Variants in CBL observed in about 807,000 individuals in gnomAD.
CBL encodes the protein E3 ubiquitin-protein ligase CBL.
CBL carries 45 observed loss-of-function variants against 96.9 expected under a neutral mutation model. That is an observed-to-expected ratio of 0.46 (90% confidence interval 0.37 to 0.60). The LOEUF is 0.60. Ranked by LOEUF, CBL falls within the 20% of genes least tolerant of loss-of-function variation. The pLI, the probability that CBL is intolerant of heterozygous loss-of-function variation, is 0.00. For missense variants in CBL, 1,024 were observed against 1,143.5 expected (o/e 0.90, Z 1.51); for synonymous variants, 420 against 426.8 (o/e 0.98, Z 0.20).
intron 2 of CBL, among the ~76,000 whole-genome samples, chr11:119,250,823 C>T (rs566711021): frequency 1.4e-4 from 22 of 152,108 alleles, no homozygotes; most frequent in Admixed American, 1.3e-3. Context: ...TGGAGGTGCG[C>T]GCCTGTAATT....
At chr11:119,274,487 A>G (rs1220646513) in intron 4 of CBL, among the ~76,000 whole-genome samples, 5 of 152,150 alleles carry the variant, frequency 3.3e-5, no homozygotes, top group African/African-American at 1.2e-4. Context: ...GTCTGTGCCA[A>G]TTTGCATACA....
chr11:119,300,761 T>C lies in CBL; in HGVS notation c.*980T>C, dbSNP rs1591271684. On this transcript the variant is annotated 3_prime_UTR_variant, in exon 16 of 16. Transcript: ENST00000264033. ...TTGCCTTGGTGCCAGGTATGTGTTC[T>C]GATGTAGGTCATGAGTCTTTCTACT... is the stretch of plus-strand genomic sequence containing the variant. 37 of 393,198 alleles carry C rather than the reference T, an allele frequency of 9.4e-5. No homozygotes were observed. The East Asian group carries it at 1.3e-3, about 14-fold the overall frequency. 24.4% of individuals were successfully genotyped at this position (393,198 alleles called of 1,614,324 possible). A position where few individuals can be genotyped will look rare whatever the true frequency, so the allele number is the denominator to read the frequency against.
intron 2 of CBL, among the ~76,000 whole-genome samples, chr11:119,255,266 A>G (rs537450657): frequency 6.6e-6 from 1 of 152,086 alleles, no homozygotes; most frequent in Non-Finnish European, 1.5e-5. Context: ...AGAGGGAGGG[A>G]GGAGCCAGGA....
chr11:119,256,189 A>G (rs1459446574), intron 2 of CBL, among the ~76,000 whole-genome samples: 1 of 148,164 alleles, frequency 6.7e-6, no homozygotes, highest in African/African-American at 2.5e-5. Context: ...GTATTTGTAC[A>G]TTCTTTTTTT....
At chr11:119,277,637 C>T (rs779321526) in intron 6 of CBL, 120 bp from the exon 7 acceptor site, 10 of 713,258 alleles carry the variant, frequency 1.4e-5, no homozygotes, top group Non-Finnish European at 2.1e-5. Flanking sequence ...TAAGATTGAT[C>T]TTTATACTTA....
intron 11 of CBL, among the ~76,000 whole-genome samples, chr11:119,286,909 A>G (rs956171309): frequency 5.3e-5 from 8 of 152,340 alleles, no homozygotes; most frequent in African/African-American, 1.7e-4. Context: ...CACAAGTGCT[A>G]TGGAGAAAAA....
At position 119,250,185 on chromosome 11, in the gene CBL, C is replaced by T. The variant is rs562251657; in HGVS notation, c.443+17490C>T. On this transcript the variant is annotated intron_variant, in intron 2 of 15. Transcript: ENST00000264033. Reference sequence around the variant, plus strand: ...CTATGTTACATGGAATAGTTTGATCCTTTTAAACCTTGTGAGGCAGGACCA... The same window carrying T: ...CTATGTTACATGGAATAGTTTGATCTTTTTAAACCTTGTGAGGCAGGACCA... Among the ~76,000 whole-genome samples the T allele has an allele frequency of 3.9e-5, 6 of 152,266 alleles. No homozygotes were observed. The South Asian group carries it at 1.2e-3, about 32-fold the overall frequency.
At position 119,290,325 on chromosome 11, in the gene CBL, C is replaced by T. The variant is rs187726369; in HGVS notation, c.2036+2379C>T. Among the ~76,000 whole-genome samples, 201 of 151,852 alleles carry T rather than the reference C, an allele frequency of 1.3e-3. 2 individuals are homozygous for T. Among genetic ancestry groups the T allele is most frequent in the African/African-American group, 4.6e-3 (191 of 41,480 alleles). On this transcript the variant is annotated intron_variant, in intron 12 of 15. Coordinates refer to ENST00000264033, the MANE Select transcript of CBL (RefSeq NM_005188.4). ...CCTCCCAGAGTGCAGGGATTATAGG[C>T]GAAAGCCACTGTGCCCAGCCCACTT...
In CBL at chr11:119,242,635, G is replaced by A. The variant is rs566574517; in HGVS notation, c.443+9940G>A. The stretch of plus-strand genomic sequence containing the variant: ...AAAAGAAAAATTGGCTGGGTGTGGT[G>A]GCATGCATACCTGAAGTCCCAGCTA... On this transcript the variant is annotated intron_variant, in intron 2 of 15. Transcript: ENST00000264033. Among the ~76,000 whole-genome samples the A allele has an allele frequency of 9.3e-5, 14 of 150,742 alleles. No individual in the cohort carries two copies. In the South Asian group the frequency reaches 3.0e-3, roughly 32 times the overall value.
chr11:119,249,179 A>C (rs1949653072), intron 2 of CBL, among the ~76,000 whole-genome samples: 1 of 152,236 alleles, frequency 6.6e-6, no homozygotes, highest in Non-Finnish European at 1.5e-5. Context: ...GCCAAAAAGT[A>C]GAAGCAGTTC....
intron 1 of CBL, among the ~76,000 whole-genome samples, chr11:119,218,435 T>A (rs1949380864): frequency 6.6e-6 from 1 of 152,222 alleles, no homozygotes. Flanking sequence ...TTTACAGTAG[T>A]CCCTTCATAT....
rs1565272127 is a variant in CBL at position 119,296,974 on chromosome 11, C to CA, written c.2094dup (p.Glu699ArgfsTer23). On this transcript the variant is annotated frameshift_variant, in exon 13 of 16. Coordinates refer to ENST00000264033, the MANE Select transcript of CBL (RefSeq NM_005188.4). LOFTEE classifies it high-confidence loss of function. ...GAGCAATGTGAGGGTGAAGAGGACACAGAGTACATGACTCCCTCTTCCAGG... is the reference window on the plus strand; with the variant it reads ...GAGCAATGTGAGGGTGAAGAGGACACAAGAGTACATGACTCCCTCTTCCAGG... The CA allele has an allele frequency of 1.2e-6, 2 of 1,612,510 alleles. No individual in the cohort carries two copies. Among genetic ancestry groups the CA allele is most frequent in the Admixed American group, 1.7e-5 (1 of 60,022 alleles).
intron 2 of CBL, among the ~76,000 whole-genome samples, chr11:119,250,997 T>G (rs906493084): frequency 3.9e-5 from 6 of 152,152 alleles, no homozygotes; most frequent in African/African-American, 1.4e-4. Context: ...TTTTTAGTTC[T>G]TTCAGGTGAG....
At position 119,300,340 on chromosome 11, in the gene CBL, T is replaced by TC. The variant is rs3833768; in HGVS notation, c.*559_*560insC. On this transcript the variant is annotated 3_prime_UTR_variant, in exon 16 of 16. Transcript: ENST00000264033. ...TTCAACACTCCCCTTTGGCTTATAT[T>TC]ACCATGTGCATAGCTAAAGTCTTCT... 0.26 allele frequency: 106,006 copies of TC among 410,686 alleles called. 14,251 individuals carry two copies. Among genetic ancestry groups the TC allele is most frequent in the East Asian group, 0.39 (11,073 of 28,700 alleles). 25.4% of individuals were successfully genotyped at this position (410,686 alleles called of 1,614,324 possible).
intron 2 of CBL, among the ~76,000 whole-genome samples, chr11:119,254,633 G>A (rs1403474968): frequency 6.6e-6 from 1 of 150,708 alleles, no homozygotes; most frequent in Non-Finnish European, 1.5e-5. Flanking sequence ...ACAGAGTCTC[G>A]TCCTGTCGCC....
In CBL at chr11:119,306,281, T is replaced by G; in HGVS notation, c.*6500T>G. On this transcript the variant is annotated 3_prime_UTR_variant, in exon 16 of 16. Transcript: ENST00000264033. ...AATGCAGCCGACCACTCCCTGTGTT[T>G]GTACAGAGCAAAGCCCAAAAGCCAA... is the stretch of plus-strand genomic sequence containing the variant. The G allele has an allele frequency of 7.5e-6, 3 of 398,646 alleles. No individual in the cohort carries two copies. Among genetic ancestry groups the G allele is most frequent in the Non-Finnish European group, 1.3e-5 (3 of 226,084 alleles). The allele number at this position is 398,646 out of a possible 1,614,324, so 24.7% of individuals were successfully genotyped here. A position where few individuals can be genotyped will look rare whatever the true frequency, so the allele number is the denominator to read the frequency against.
rs776055321 is a variant in CBL at position 119,285,066 on chromosome 11, C to G, written c.1529C>G (p.Pro510Arg). ...CTTCTGCCGCAGCGAGTATGTGTTC[C>G]CTCAAGTGCTTCTGCTCTTGGAACT... ...LDLLPQRVCV[P>R]SSASALGTAS... Residue 510 changes from proline to arginine, a missense_variant, in exon 10 of 16, where the codon CCC becomes CGC. Pro to Arg is a moderately radical substitution (Grantham distance 103). Transcript: ENST00000264033. The G allele has an allele frequency of 2.5e-6, 4 of 1,614,066 alleles. No individual in the cohort carries two copies. The highest frequency in any genetic ancestry group is 1.7e-5 in the Admixed American group (1 of 60,002).
chr11:119,275,014 T>TA, intron 5 of CBL, 61 bp downstream of exon 5: 1 of 1,582,674 alleles, frequency 6.3e-7, no homozygotes, highest in Non-Finnish European at 8.7e-7. Context: ...AGACTTCTGC[T>TA]AGTATAGAAG....
At chr11:119,279,525 G>A (rs1021319828) in intron 9 of CBL, among the ~76,000 whole-genome samples, 1 of 151,696 alleles carries the variant, frequency 6.6e-6, no homozygotes, top group African/African-American at 2.4e-5. Flanking sequence ...GATGGTGTAC[G>A]CCTGTAGTTC....
Sources: gnomAD v4.1 joint callset for allele counts (sites outside exome capture counted in the v4.1 genomes callset) on GRCh38, gnomAD v4.1.1 for gene constraint, MANE v1.5 for transcripts, NCBI Gene and HGNC (gene_info 2026-07-23, HGNC 2026-07-21) for gene names.